The following GSE1 variants were observed in gnomAD, a reference collection of about 807,000 sequenced individuals.
GSE1 encodes Gse1 coiled-coil protein.
In GSE1, 32 loss-of-function variants were observed where a neutral mutation model predicts 112.6. The ratio of observed to expected loss-of-function variants is 0.28; its 90% CI spans 0.21 to 0.38. GSE1 has a LOEUF of 0.38. GSE1 is among the 10% of genes least tolerant of loss of function. The pLI is 1.00. For missense variants in GSE1, 2,348 were observed against 1,699.2 expected, an observed-to-expected ratio of 1.38 and a Z score of -6.71; for synonymous variants, 1,115 against 735.6, an observed-to-expected ratio of 1.52 and a Z score of -8.35.
At chr16:85,649,743 C>G (rs1299348286) in intron 3 of GSE1, among the ~76,000 whole-genome samples, 1 of 152,166 alleles carries the variant, frequency 6.6e-6, no homozygotes, top group Non-Finnish European at 1.5e-5. Context: ...AGGGACAGCC[C>G]CACTTGGAAA....
intron 2 of GSE1, among the ~76,000 whole-genome samples, chr16:85,381,627 G>T (rs2047547434): frequency 6.6e-6 from 1 of 152,206 alleles, no homozygotes; most frequent in Admixed American, 6.5e-5. Context: ...AGGCTATGTG[G>T]GTTTAACAGG....
chr16:85,628,169 C>T (rs2049240635), intron 1 of GSE1, among the ~76,000 whole-genome samples: 1 of 152,246 alleles, frequency 6.6e-6, no homozygotes, highest in African/African-American at 2.4e-5. Context: ...CTGCTGCGGC[C>T]CCCGCCCCGC....
At chr16:85,622,732 G>A (rs1025104821) in intron 1 of GSE1, among the ~76,000 whole-genome samples, 1 of 152,156 alleles carries the variant, frequency 6.6e-6, no homozygotes, top group African/African-American at 2.4e-5. Flanking sequence ...ACCTACCTTG[G>A]GGTTGACACA....
intron 2 of GSE1, among the ~76,000 whole-genome samples, chr16:85,483,718 G>T (rs1262107896): frequency 6.6e-6 from 1 of 152,278 alleles, no homozygotes; most frequent in Non-Finnish European, 1.5e-5. Context: ...GACTTTGAGC[G>T]AGGGAGCCCG....
At chr16:85,216,991 G>A (rs974398603) in intron 1 of GSE1, among the ~76,000 whole-genome samples, 4 of 152,246 alleles carry the variant, frequency 2.6e-5, no homozygotes, top group African/African-American at 9.6e-5. Flanking sequence ...TGTGTGGGAT[G>A]AAGGAGCGGG....
chr16:85,293,406 C>T (rs2045277936), intron 1 of GSE1, among the ~76,000 whole-genome samples: 2 of 151,998 alleles, frequency 1.3e-5, no homozygotes, highest in Admixed American at 1.3e-4. Flanking sequence ...ATCAGCTGGG[C>T]GTGGTGGTGT....
intron 12 of GSE1, among the ~76,000 whole-genome samples, chr16:85,665,559 C>CCCTGCCGGCA (rs1181556195): frequency 1.7e-3 from 255 of 150,994 alleles, no homozygotes; most frequent in African/African-American, 6.0e-3. Context: ...GCCCTCTGGG[C>CCCTGCCGGCA]CCTGCCGGCA....
intron 2 of GSE1, among the ~76,000 whole-genome samples, chr16:85,477,222 G>A (rs1013357606): frequency 7.9e-5 from 12 of 152,202 alleles, no homozygotes; most frequent in African/African-American, 2.4e-4. Context: ...ACTTCTTGCT[G>A]AGTTGGAGCT....
chr16:85,439,887 CA>C (rs963431323), intron 2 of GSE1, among the ~76,000 whole-genome samples: 29 of 152,304 alleles, frequency 1.9e-4, no homozygotes, highest in Admixed American at 9.1e-4. Flanking sequence ...CACAGGTACA[CA>C]CAGGCATGCA....
intron 1 of GSE1, among the ~76,000 whole-genome samples, chr16:85,581,854 C>T (rs754522303): frequency 5.9e-5 from 9 of 152,126 alleles, no homozygotes; most frequent in Non-Finnish European, 1.2e-4. Flanking sequence ...TGGCTGCATC[C>T]GAATCTTATG....
intron 2 of GSE1, among the ~76,000 whole-genome samples, chr16:85,459,226 A>C (rs912999549): frequency 2.6e-5 from 4 of 152,148 alleles, no homozygotes; most frequent in African/African-American, 9.7e-5. Flanking sequence ...CGCCACCCCC[A>C]GGCACCCTCT....
At chr16:85,613,463 G>C in intron 1 of GSE1, 65 bp downstream of exon 1, 1 of 1,413,098 alleles carries the variant, frequency 7.1e-7, no homozygotes. Context: ...CTGTCCTCCT[G>C]CAAGTTCGCG....
chr16:85,339,435 T>G (rs2046577001), intron 1 of GSE1, among the ~76,000 whole-genome samples: 1 of 152,072 alleles, frequency 6.6e-6, no homozygotes, highest in Non-Finnish European at 1.5e-5. Context: ...GCTGCGCCCT[T>G]TCTAGAAGCT....
intron 2 of GSE1, among the ~76,000 whole-genome samples, chr16:85,417,401 C>G (rs59455069): frequency 1.9e-5 from 2 of 107,856 alleles, no homozygotes; most frequent in Admixed American, 8.7e-5. Flanking sequence ...AAGACCCGAG[C>G]TGGAAGAAGA....
intron 2 of GSE1, among the ~76,000 whole-genome samples, chr16:85,382,047 G>T (rs922087365): frequency 2.0e-5 from 3 of 152,228 alleles, no homozygotes; most frequent in Non-Finnish European, 2.9e-5. Flanking sequence ...ACAGAGCCCC[G>T]GCTTTCTGTT....
intron 2 of GSE1, among the ~76,000 whole-genome samples, chr16:85,416,071 C>G (rs896650994): frequency 1.3e-5 from 2 of 152,104 alleles, no homozygotes; most frequent in African/African-American, 2.4e-5. Context: ...GCATTAAAGC[C>G]GGGCCTATAA....
chr16:85,266,824 T>C (rs4309381), intron 1 of GSE1, among the ~76,000 whole-genome samples: 55,415 of 151,944 alleles, frequency 0.36, 15,145 homozygotes, highest in African/African-American at 0.78. Flanking sequence ...TGTTGAGGCC[T>C]GAGAGGCTGA....
intron 1 of GSE1, among the ~76,000 whole-genome samples, chr16:85,335,293 G>C (rs1245275370): frequency 6.6e-6 from 1 of 152,268 alleles, no homozygotes; most frequent in African/African-American, 2.4e-5. Context: ...CCCCATGGTG[G>C]CACTGCTGAG....
chr16:85,554,830 A>T, upstream of GSE1: 1 of 966,790 alleles, frequency 1.0e-6, no homozygotes, highest in Non-Finnish European at 1.2e-6. Flanking sequence ...CAGAGCGCGG[A>T]GTTGGGCAGC....
Sources: allele counts gnomAD v4.1 joint callset (sites outside exome capture counted in the v4.1 genomes callset), GRCh38; gene constraint gnomAD v4.1.1; transcripts MANE v1.5; gene names NCBI Gene and HGNC (gene_info 2026-07-23, HGNC 2026-07-21).